The following EVI5 variants were observed in gnomAD, a reference collection of about 807,000 sequenced individuals.
EVI5 encodes ecotropic viral integration site 5 protein homolog.
Under a neutral mutation model 112.0 loss-of-function variants are expected in EVI5, and 73 were observed. The observed-to-expected ratio is 0.65, with a 90% CI of 0.54 to 0.79. The LOEUF (loss-of-function observed/expected upper bound fraction) is 0.79. EVI5 is among the 30% of genes least tolerant of loss of function. EVI5 has a pLI of 0.00. For missense variants in EVI5, 900 were observed against 968.8 expected (o/e 0.93, Z 0.94); for synonymous variants, 305 against 319.9 (o/e 0.95, Z 0.50).
At chr1:92,709,410 A>C (rs1672503304) in intron 2 of EVI5, among the ~76,000 whole-genome samples, 1 of 152,176 alleles carries the variant, frequency 6.6e-6, no homozygotes, top group African/African-American at 2.4e-5. Context: ...GGGATAGTAA[A>C]AATTCGGTGA....
At position 92,521,659 on chromosome 1, in the gene EVI5, T is replaced by C. The variant is rs577518919; in HGVS notation, c.2167-7689A>G. ...GTGAGCTGAGATTGCGCTACCTCAC[T>C]CTAGCCTGGGCGACAGAGTGAGACT... On this transcript the variant is annotated intron_variant, in intron 19 of 19. Transcript: ENST00000684568. Among the ~76,000 whole-genome samples, 8 of 151,008 alleles carry C rather than the reference T, an allele frequency of 5.3e-5. No homozygotes were observed. The South Asian group carries it at 1.7e-3, about 32-fold the overall frequency.
At chr1:92,637,008 TC>T (rs1358166205) in intron 13 of EVI5, among the ~76,000 whole-genome samples, 1 of 152,094 alleles carries the variant, frequency 6.6e-6, no homozygotes, top group Non-Finnish European at 1.5e-5. Flanking sequence ...TATATTTTAA[TC>T]TAATAGAAAA....
intron 19 of EVI5, among the ~76,000 whole-genome samples, chr1:92,537,763 A>G (rs1664127962): frequency 6.6e-6 from 1 of 151,624 alleles, no homozygotes; most frequent in Non-Finnish European, 1.5e-5. Flanking sequence ...GACAAGAGCC[A>G]AAATTCTAAT....
Position 92,706,957 on chromosome 1 carries a change from G to A in EVI5, c.150-2213C>T, listed in dbSNP as rs561539274. 7.8e-4 allele frequency among the ~76,000 whole-genome samples: 119 copies of A among 152,058 alleles called. 1 individual carries two copies. Among genetic ancestry groups the A allele is most frequent in the African/African-American group, 2.3e-3 (97 of 41,496 alleles). On this transcript the variant is annotated intron_variant, in intron 2 of 19. Transcript: ENST00000684568. ...AGCACTTTGGGAGGCCGAGGCGGGC[G>A]GATGACCTGAGGTTGGGAGTTCGAG... is the stretch of plus-strand genomic sequence containing the variant.
At chr1:92,611,056 C>T (rs1030756284) in intron 16 of EVI5, among the ~76,000 whole-genome samples, 2 of 151,170 alleles carry the variant, frequency 1.3e-5, no homozygotes, top group Admixed American at 6.6e-5. Flanking sequence ...ATGTAACTAA[C>T]CTGCACAATG....
rs144552713 is a variant in EVI5 at position 92,656,687 on chromosome 1, A to C, written c.1392+6032T>G. On this transcript the variant is annotated intron_variant, in intron 13 of 19. Transcript: ENST00000684568. ...AGAAGACCCAAATTAACAAGTGATC[A>C]GAAATGAAAAAGGAGACATTACAAC... 4.6e-3 allele frequency among the ~76,000 whole-genome samples: 695 copies of C among 152,264 alleles called. 6 individuals are homozygous for C. The highest frequency in any genetic ancestry group is 7.0e-3 in the Non-Finnish European group (473 of 68,002).
rs1039916823 is a variant in EVI5, at chr1:92,509,198, G to A, written c.*4458C>T. 1.3e-5 allele frequency: 2 copies of A among 152,444 alleles called. No homozygotes were observed. The highest frequency in any genetic ancestry group is 2.9e-5 in the Non-Finnish European group (2 of 68,012). 9.4% of individuals were successfully genotyped at this position (152,444 alleles called of 1,614,324 possible). ...ACAGTACATTATATAAAAGATAAAT[G>A]AGAATAAGGAACTAAATTATTTCTT... On this transcript the variant is annotated 3_prime_UTR_variant, in exon 20 of 20. Transcript: ENST00000684568.
rs1672192573 is a variant in EVI5 at position 92,583,003 on chromosome 1, TAATA to T, written c.2071-19270_2071-19267del. Among the ~76,000 whole-genome samples the T allele has an allele frequency of 2.0e-5, 3 of 152,154 alleles. No individual in the cohort carries two copies. The South Asian group carries it at 6.2e-4, about 32-fold the overall frequency. ...ATACATATTAACATGCACATGTACT[TAATA>T]TATATAAATACAATACATATACTCA... On this transcript the variant is annotated intron_variant, in intron 18 of 19. Coordinates refer to ENST00000684568, the MANE Select transcript of EVI5 (RefSeq NM_001350197.2).
At chr1:92,682,801 A>G (rs1408438081) in intron 9 of EVI5, among the ~76,000 whole-genome samples, 1 of 152,178 alleles carries the variant, frequency 6.6e-6, no homozygotes. Context: ...TCCTTCAGAG[A>G]ACTACCTGAA....
chr1:92,674,787 T>C (rs1259678330), intron 10 of EVI5, among the ~76,000 whole-genome samples: 1 of 152,094 alleles, frequency 6.6e-6, no homozygotes, highest in East Asian at 1.9e-4. Flanking sequence ...TTTTTCTATC[T>C]GGTGGAACTG....
At chr1:92,610,816 T>G (rs1201880251) in intron 16 of EVI5, among the ~76,000 whole-genome samples, 1 of 151,770 alleles carries the variant, frequency 6.6e-6, no homozygotes, top group Non-Finnish European at 1.5e-5. Context: ...ATATGATGGT[T>G]TAAGAGATGG....
chr1:92,595,764 C>A (rs887641694), intron 18 of EVI5, among the ~76,000 whole-genome samples: 1 of 152,082 alleles, frequency 6.6e-6, no homozygotes. Context: ...AAGGATCTTA[C>A]AAGGAGGGCC....
chr1:92,566,200 T>C (rs923385046), intron 18 of EVI5, among the ~76,000 whole-genome samples: 5 of 152,186 alleles, frequency 3.3e-5, no homozygotes. Context: ...TACTAGAATA[T>C]GGCCTGCTGA....
intron 18 of EVI5, among the ~76,000 whole-genome samples, chr1:92,596,014 T>A (rs1557866924): frequency 6.6e-6 from 1 of 152,190 alleles, no homozygotes; most frequent in Non-Finnish European, 1.5e-5. Context: ...AAAATCTCAT[T>A]TTAAAATTTT....
At chr1:92,790,219 G>C (rs1685986269) in intron 1 of EVI5, among the ~76,000 whole-genome samples, 1 of 152,186 alleles carries the variant, frequency 6.6e-6, no homozygotes, top group East Asian at 1.9e-4. Flanking sequence ...TGAAGTGGGA[G>C]GGTCACTTGA....
intron 2 of EVI5, among the ~76,000 whole-genome samples, chr1:92,730,427 T>C (rs943590663): frequency 1.3e-5 from 2 of 151,992 alleles, no homozygotes; most frequent in Admixed American, 6.6e-5. Context: ...GGTTCACGCC[T>C]GTAATCCCAG....
At chr1:92,780,686 C>T (rs906575116) in intron 1 of EVI5, among the ~76,000 whole-genome samples, 4 of 151,980 alleles carry the variant, frequency 2.6e-5, no homozygotes, top group Admixed American at 2.6e-4. Flanking sequence ...ATAAATGGTG[C>T]TGGATCAAAC....
At chr1:92,630,977 GT>G (rs1656924758) in intron 14 of EVI5, among the ~76,000 whole-genome samples, 1 of 152,164 alleles carries the variant, frequency 6.6e-6, no homozygotes, top group Non-Finnish European at 1.5e-5. Flanking sequence ...TCAGATAGTT[GT>G]AGATATGTGG....
chr1:92,527,525 G>C (rs943238126), intron 19 of EVI5, among the ~76,000 whole-genome samples: 4 of 151,896 alleles, frequency 2.6e-5, no homozygotes, highest in Non-Finnish European at 5.9e-5. Flanking sequence ...CAGATTTTAT[G>C]TGTACAAGTT....
Sources: allele counts gnomAD v4.1 joint callset (sites outside exome capture counted in the v4.1 genomes callset), GRCh38; gene constraint gnomAD v4.1.1; transcripts MANE v1.5; gene names NCBI Gene and HGNC (gene_info 2026-07-23, HGNC 2026-07-21).